Variants in GALNTL6 observed in about 807,000 individuals in gnomAD.
GALNTL6 encodes the protein polypeptide N-acetylgalactosaminyltransferase-like 6.
In GALNTL6, 46 loss-of-function variants were observed where a neutral mutation model predicts 73.7. That is an observed-to-expected ratio of 0.62 (90% CI 0.49 to 0.80). The LOEUF (loss-of-function observed/expected upper bound fraction) is 0.80. GALNTL6 is among the 30% of genes least tolerant of loss of function. The probability of loss-of-function intolerance (pLI) is 0.00; values close to 1 mark genes in which losing one functional copy is unlikely to be tolerated. For missense variants in GALNTL6, 604 were observed against 755.0 expected (o/e 0.80, Z 2.34); for synonymous variants, 259 against 263.7 (o/e 0.98, Z 0.17).
intron 2 of GALNTL6, among the ~76,000 whole-genome samples, chr4:172,024,834 C>A (rs1741507623): frequency 6.7e-6 from 1 of 148,296 alleles, no homozygotes; most frequent in African/African-American, 2.5e-5. Flanking sequence ...CTCCCACCCT[C>A]CCTTCTTTCG....
intron 5 of GALNTL6, among the ~76,000 whole-genome samples, chr4:172,493,561 G>A (rs1046275882): frequency 3.0e-4 from 45 of 151,994 alleles, no homozygotes; most frequent in South Asian, 2.1e-4. Flanking sequence ...AGGTTTAACC[G>A]ACAAAAATGT....
At chr4:172,687,486 G>A (rs114054119) in intron 5 of GALNTL6, among the ~76,000 whole-genome samples, 3,385 of 151,990 alleles carry the variant, frequency 0.022, 120 homozygotes, top group African/African-American at 0.077. Context: ...ACATTATCTG[G>A]GCACAGAGGC....
intron 2 of GALNTL6, among the ~76,000 whole-genome samples, chr4:171,918,198 G>A (rs1737682111): frequency 6.6e-6 from 1 of 151,882 alleles, no homozygotes; most frequent in African/African-American, 2.4e-5. Context: ...GGCCCTTTGG[G>A]ATAAAACAAA....
At chr4:172,264,499 T>C (rs1253194457) in intron 3 of GALNTL6, among the ~76,000 whole-genome samples, 1 of 144,016 alleles carries the variant, frequency 6.9e-6, no homozygotes, top group South Asian at 2.1e-4. Context: ...TATACTTATA[T>C]TTATATATTT....
chr4:172,639,228 G>A (rs1453158777), intron 5 of GALNTL6, among the ~76,000 whole-genome samples: 1 of 152,102 alleles, frequency 6.6e-6, no homozygotes, highest in Admixed American at 6.6e-5. Context: ...TGTAACAATT[G>A]TTACTGTAAC....
chr4:172,097,200 G>T (rs2110953070), intron 2 of GALNTL6, among the ~76,000 whole-genome samples: 1 of 152,216 alleles, frequency 6.6e-6, no homozygotes, highest in Admixed American at 6.5e-5. Context: ...TCTCTGTTTG[G>T]AGTCATTGGG....
At chr4:172,813,397 C>G in intron 6 of GALNTL6, 143 bp from the exon 7 acceptor site, 2 of 539,666 alleles carry the variant, frequency 3.7e-6, no homozygotes. Flanking sequence ...TTCAGAGATT[C>G]CTGAAAAGGG....
At chr4:172,986,194 G>A (rs1751283604) in intron 10 of GALNTL6, among the ~76,000 whole-genome samples, 2 of 152,196 alleles carry the variant, frequency 1.3e-5, no homozygotes, top group Non-Finnish European at 1.5e-5. Flanking sequence ...TGCAAAGGCA[G>A]TTTTAATCTC....
At chr4:172,300,591 G>C (rs1739875338) in intron 3 of GALNTL6, among the ~76,000 whole-genome samples, 1 of 152,208 alleles carries the variant, frequency 6.6e-6, no homozygotes, top group South Asian at 2.1e-4. Flanking sequence ...GTCAGCATTT[G>C]CTTGTCTATA....
At chr4:171,950,338 A>T (rs1351006419) in intron 2 of GALNTL6, among the ~76,000 whole-genome samples, 1 of 152,208 alleles carries the variant, frequency 6.6e-6, no homozygotes, top group Non-Finnish European at 1.5e-5. Flanking sequence ...CAAGGAAGAG[A>T]GAGCAAAAAA....
chr4:172,706,137 T>C (rs1734339062), intron 5 of GALNTL6, among the ~76,000 whole-genome samples: 1 of 152,086 alleles, frequency 6.6e-6, no homozygotes, highest in East Asian at 1.9e-4. Flanking sequence ...TCCTCTAGAT[T>C]TGTAAGCATT....
chr4:172,019,240 T>G (rs1741317957), intron 2 of GALNTL6, among the ~76,000 whole-genome samples: 1 of 152,166 alleles, frequency 6.6e-6, no homozygotes, highest in Admixed American at 6.6e-5. Flanking sequence ...AAATGCACAT[T>G]AGTCCTGCCT....
At position 172,496,472 on chromosome 4, in the gene GALNTL6, T is replaced by C. The variant is rs1368332270; in HGVS notation, c.553+147783T>C. Among the ~76,000 whole-genome samples, 4 of 152,218 alleles carry C rather than the reference T, an allele frequency of 2.6e-5. No individual in the cohort carries two copies. The East Asian group carries it at 7.7e-4, about 29-fold the overall frequency. ...TGGGAGGCTGAGGTGGGAGAATCGC[T>C]TGGGACCAGGAGTTCAACACAAACC... On this transcript the variant is annotated intron_variant, in intron 5 of 12. Coordinates refer to ENST00000506823, the MANE Select transcript of GALNTL6 (RefSeq NM_001034845.3).
At chr4:172,016,923 G>C (rs1741215557) in intron 2 of GALNTL6, among the ~76,000 whole-genome samples, 1 of 152,050 alleles carries the variant, frequency 6.6e-6, no homozygotes, top group South Asian at 2.1e-4. Context: ...TTCTTGATGT[G>C]TGGTCACTGT....
intron 5 of GALNTL6, among the ~76,000 whole-genome samples, chr4:172,442,353 G>C (rs548050378): frequency 2.0e-5 from 3 of 152,056 alleles, no homozygotes; most frequent in Non-Finnish European, 4.4e-5. Flanking sequence ...ACTTCTTCTG[G>C]GGGGAGTGAA....
chr4:171,904,853 T>G (rs537847100), intron 2 of GALNTL6, among the ~76,000 whole-genome samples: 1,595 of 151,990 alleles, frequency 0.01, 31 homozygotes, highest in African/African-American at 0.036. Flanking sequence ...CATTCTTAAA[T>G]AAAAGAATTT....
intron 5 of GALNTL6, among the ~76,000 whole-genome samples, chr4:172,354,246 A>C (rs1742070934): frequency 6.6e-6 from 1 of 152,282 alleles, no homozygotes; most frequent in Admixed American, 6.5e-5. Flanking sequence ...GGAGTTATTT[A>C]GATTTAATAT....
chr4:172,473,439 T>G (rs1222428187), intron 5 of GALNTL6, among the ~76,000 whole-genome samples: 1 of 152,194 alleles, frequency 6.6e-6, no homozygotes, highest in Non-Finnish European at 1.5e-5. Context: ...TTCTGCCATT[T>G]TACCTTAAAA....
At chr4:171,988,415 G>T (rs888605992) in intron 2 of GALNTL6, among the ~76,000 whole-genome samples, 1 of 152,190 alleles carries the variant, frequency 6.6e-6, no homozygotes, top group African/African-American at 2.4e-5. Flanking sequence ...GTACAGCCCA[G>T]GTAATTTGCT....
Sources: allele counts gnomAD v4.1 joint callset (sites outside exome capture counted in the v4.1 genomes callset), GRCh38; gene constraint gnomAD v4.1.1; transcripts MANE v1.5; gene names NCBI Gene and HGNC (gene_info 2026-07-23, HGNC 2026-07-21).